Variants in COL5A1 observed in about 807,000 individuals in gnomAD.
The protein encoded by COL5A1 is collagen type V alpha 1 chain.
Under a neutral mutation model 263.7 loss-of-function variants are expected in COL5A1, and 16 were observed. That is an observed-to-expected ratio of 0.06 (90% CI 0.04 to 0.09). The LOEUF (loss-of-function observed/expected upper bound fraction) is 0.09. COL5A1 is among the 10% of genes least tolerant of loss of function. The probability of loss-of-function intolerance (pLI) is 1.00; values close to 1 mark genes in which losing one functional copy is unlikely to be tolerated. For missense variants in COL5A1, 2,036 were observed against 2,540.5 expected, an observed-to-expected ratio of 0.80 and a Z score of 4.27; for synonymous variants, 1,012 against 1,004.5, an observed-to-expected ratio of 1.01 and a Z score of -0.14.
In COL5A1 at chr9:134,844,074, C is replaced by T. The variant is rs1830176928; in HGVS notation, c.*1771C>T. The T allele has an allele frequency of 6.6e-6, 1 of 152,398 alleles. No individual in the cohort carries two copies. The highest frequency in any genetic ancestry group is 6.5e-5 in the Admixed American group (1 of 15,284). 9.4% of individuals were successfully genotyped at this position (152,398 alleles called of 1,614,324 possible). On this transcript the variant is annotated 3_prime_UTR_variant, in exon 66 of 66. Transcript: ENST00000371817. ...TACCATGGGAAATGCAGGCTGGGCC[C>T]TTGGGGTGAGCCTGCGGGGCTCTGG... is the stretch of plus-strand genomic sequence containing the variant.
At chr9:134,726,337 C>T (rs535300683) in intron 4 of COL5A1, among the ~76,000 whole-genome samples, 31 of 148,492 alleles carry the variant, frequency 2.1e-4, no homozygotes, top group African/African-American at 4.5e-4. Flanking sequence ...AGTAGAGGGA[C>T]GGAGAGATGG....
At position 134,818,658 on chromosome 9, in the gene COL5A1, A is replaced by T. The variant is rs1838863118; in HGVS notation, c.4233A>T (p.Gly1411=). 1.9e-6 allele frequency: 3 copies of T among 1,608,188 alleles called. No homozygotes were observed. In the Admixed American group the frequency reaches 5.0e-5, roughly 27 times the overall value. The part of the protein sequence containing the change: ...EGRQGEKGAK[G]EAGLEGPPGK... ...TTCTGCCCTCCGCCGTCCTGCAGGG[A>T]GAAGCCGGCTTGGAAGGCCCTCCTG... The change falls in exon 55 of 66, where the codon GGA becomes GGT. Residue 1411 remains glycine, a splice_region_variant and synonymous_variant. Transcript: ENST00000371817. The surrounding 1 kb of genome is among the most constrained non-coding windows in gnomAD (Gnocchi z 6.0).
At chr9:134,778,759 A>G (rs189248295) in intron 27 of COL5A1, among the ~76,000 whole-genome samples, 6 of 152,312 alleles carry the variant, frequency 3.9e-5, no homozygotes, top group Admixed American at 3.3e-4. Flanking sequence ...GACTTCAGCA[A>G]TGGTGCCTGC....
intron 11 of COL5A1, among the ~76,000 whole-genome samples, chr9:134,748,293 GCACA>G (rs567396208): frequency 1.3e-5 from 2 of 148,770 alleles, no homozygotes; most frequent in East Asian, 4.1e-4. Context: ...ATATGCACAT[GCACA>G]CACACATGCA....
intron 35 of COL5A1, 27 bp downstream of exon 35, chr9:134,796,445 T>A (rs1338054299): frequency 6.2e-7 from 1 of 1,612,798 alleles, no homozygotes; most frequent in Admixed American, 1.7e-5. Flanking sequence ...TTCGGGGGTG[T>A]CTCCAAGGGC....
chr9:134,828,594 TCA>T (rs374964339), intron 63 of COL5A1, among the ~76,000 whole-genome samples: 202 of 6,784 alleles, frequency 0.03, no homozygotes, highest in Non-Finnish European at 0.042. Flanking sequence ...ACACCACACA[TCA>T]CACAGATACA....
intron 7 of COL5A1, among the ~76,000 whole-genome samples, chr9:134,730,938 A>T (rs1377279809): frequency 6.6e-6 from 1 of 152,214 alleles, no homozygotes; most frequent in Non-Finnish European, 1.5e-5. Flanking sequence ...GTCAGCAGAC[A>T]GGCCTGAAAG....
At chr9:134,782,190 C>T (rs1429536740) in intron 28 of COL5A1, among the ~76,000 whole-genome samples, 1 of 152,248 alleles carries the variant, frequency 6.6e-6, no homozygotes, top group Non-Finnish European at 1.5e-5. Flanking sequence ...GGCAACACCC[C>T]TACCCTTCAG....
At chr9:134,667,552 C>A (rs1038774848) in intron 1 of COL5A1, among the ~76,000 whole-genome samples, 1 of 152,226 alleles carries the variant, frequency 6.6e-6, no homozygotes, top group Non-Finnish European at 1.5e-5. Flanking sequence ...CATCTCCATG[C>A]ACTGCCCCAC....
chr9:134,721,654 G>C (rs1176838884), intron 4 of COL5A1, among the ~76,000 whole-genome samples: 1 of 152,240 alleles, frequency 6.6e-6, no homozygotes. Flanking sequence ...CAGTCCTTGT[G>C]GGGGTGCAGA....
intron 1 of COL5A1, among the ~76,000 whole-genome samples, chr9:134,654,583 G>C (rs1380041566): frequency 8.2e-6 from 1 of 122,362 alleles, no homozygotes; most frequent in Non-Finnish European, 1.7e-5. Context: ...GGCTGGGGGT[G>C]TGTAGGGCTG....
intron 1 of COL5A1, among the ~76,000 whole-genome samples, chr9:134,669,220 C>CCCTTCCCTTCCCTTT: frequency 1.2e-5 from 1 of 85,874 alleles, no homozygotes; most frequent in Non-Finnish European, 2.2e-5. Context: ...CTTTTCCCTT[C>CCCTTCCCTTCCCTTT]CCTTCCCTTC....
At chr9:134,654,422 G>A (rs1342584915) in intron 1 of COL5A1, among the ~76,000 whole-genome samples, 1 of 102,692 alleles carries the variant, frequency 9.7e-6, no homozygotes, top group East Asian at 2.7e-4. Flanking sequence ...TAGGGCTGGA[G>A]GTGTGTAGGG....
intron 26 of COL5A1, among the ~76,000 whole-genome samples, chr9:134,773,472 A>C (rs1836937808): frequency 6.6e-6 from 1 of 151,992 alleles, no homozygotes; most frequent in Admixed American, 6.5e-5. Context: ...ACCTTCGTTC[A>C]CCCCAAGACT....
chr9:134,748,104 C>T (rs148866733), intron 11 of COL5A1, among the ~76,000 whole-genome samples: 1 of 79,276 alleles, frequency 1.3e-5, no homozygotes, highest in Non-Finnish European at 3.0e-5. Flanking sequence ...CATGCATCCA[C>T]ACATGCATAC....
chr9:134,739,580 G>A (rs762157943), intron 11 of COL5A1, among the ~76,000 whole-genome samples: 3 of 152,208 alleles, frequency 2.0e-5, no homozygotes, highest in Non-Finnish European at 4.4e-5. Flanking sequence ...CGTGTGAGAA[G>A]GTGGTTCGTG....
rs576553104 is a variant in COL5A1 at position 134,647,403 on chromosome 9, G to A, written c.109+5107G>A. Among the ~76,000 whole-genome samples, 34 of 152,262 alleles carry A rather than the reference G, an allele frequency of 2.2e-4. No homozygotes were observed. Among genetic ancestry groups the A allele is most frequent in the Admixed American group, 1.8e-3 (28 of 15,296 alleles). On this transcript the variant is annotated intron_variant, in intron 1 of 65. Coordinates refer to ENST00000371817, the MANE Select transcript of COL5A1 (RefSeq NM_000093.5). The surrounding 1 kb of genome is among the most constrained non-coding windows in gnomAD (Gnocchi z 5.0). ...CGTGTGTGTGTGTGTGTGTCAGGCC[G>A]TGTGCACGTGTGGACAATGTGTATA...
intron 19 of COL5A1, among the ~76,000 whole-genome samples, chr9:134,762,227 C>T (rs748069532): frequency 3.9e-5 from 6 of 152,334 alleles, no homozygotes; most frequent in African/African-American, 7.2e-5. Flanking sequence ...GGATGGAGCT[C>T]GGGGCCAGCT....
rs570919457 is a variant in COL5A1 at position 134,752,513 on chromosome 9, C to T, written c.1663-76C>T. 3.5e-6 allele frequency: 4 copies of T among 1,145,930 alleles called. No individual in the cohort carries two copies. The South Asian group carries it at 3.7e-5, about 11-fold the overall frequency. 71.0% of individuals were successfully genotyped at this position (1,145,930 alleles called of 1,614,324 possible). A position where few individuals can be genotyped will look rare whatever the true frequency, so the allele number is the denominator to read the frequency against. ...GTCTGCCCGTTCCCTCCTGCCACATCTCACGGCTCAGGCGCCAGCAAACCG... is the reference window on the plus strand; with the variant it reads ...GTCTGCCCGTTCCCTCCTGCCACATTTCACGGCTCAGGCGCCAGCAAACCG... On this transcript the variant is annotated intron_variant, in intron 13 of 65. Transcript: ENST00000371817.
Sources: allele counts gnomAD v4.1 joint callset (sites outside exome capture counted in the v4.1 genomes callset), GRCh38; gene constraint gnomAD v4.1.1; non-coding constraint Gnocchi (gnomAD v3.1); transcripts MANE v1.5; gene names NCBI Gene and HGNC (gene_info 2026-07-23, HGNC 2026-07-21).